CALN1: variants seen among roughly 807,000 people sequenced by gnomAD.
CALN1 encodes the protein calcium-binding protein 8.
In CALN1, 17 loss-of-function variants were observed where a neutral mutation model predicts 30.6. The ratio of observed to expected loss-of-function variants is 0.56; its 90% CI spans 0.38 to 0.83. CALN1 has a LOEUF of 0.83. CALN1 is among the 40% of genes least tolerant of loss of function. CALN1 has a pLI of 0.00. For synonymous variants in CALN1, 156 were observed against 131.4 expected (o/e 1.19, Z -1.28); for missense variants, 291 against 354.9 (o/e 0.82, Z 1.45).
intron 5 of CALN1, among the ~76,000 whole-genome samples, chr7:71,884,963 ACTTCAAAAGAACTTTGGTCTCTGCAAT>A (rs999936441): frequency 1.4e-4 from 22 of 152,174 alleles, no homozygotes; most frequent in Admixed American, 1.3e-3. Flanking sequence ...CCACTGTAAG[ACTTCAAAAGAACTTTGGTCTCTGCAAT>A]CTTTATCTTA....
chr7:71,923,979 G>C (rs1584521443), intron 5 of CALN1, among the ~76,000 whole-genome samples: 1 of 152,018 alleles, frequency 6.6e-6, no homozygotes, highest in South Asian at 2.1e-4. Flanking sequence ...GATCACTTGA[G>C]GTCAGGAGTT....
intron 6 of CALN1, among the ~76,000 whole-genome samples, chr7:71,804,758 T>A (rs1442869954): frequency 6.6e-6 from 1 of 152,054 alleles, no homozygotes; most frequent in Non-Finnish European, 1.5e-5. Context: ...GGTCAGGAGT[T>A]CGAGACCAGC....
chr7:72,236,236 G>A (rs1482499415), intron 3 of CALN1, among the ~76,000 whole-genome samples: 3 of 152,108 alleles, frequency 2.0e-5, no homozygotes, highest in Admixed American at 6.6e-5. Context: ...TCTCACTTAC[G>A]TAAAGGCTCA....
At chr7:72,367,179 G>T (rs1193188330) in intron 2 of CALN1, among the ~76,000 whole-genome samples, 1 of 152,122 alleles carries the variant, frequency 6.6e-6, no homozygotes, top group Non-Finnish European at 1.5e-5. Context: ...GTTGGTGGAA[G>T]CAGGTTGGGA....
At chr7:72,054,403 A>ACGTATATATATACGTATATATATACACG (rs370068692) in intron 4 of CALN1, among the ~76,000 whole-genome samples, 4 of 33,830 alleles carry the variant, frequency 1.2e-4, no homozygotes, top group Admixed American at 3.3e-4. Context: ...ATATATGTAC[A>ACGTATATATATACGTATATATATACACG]TATATATATA....
intron 2 of CALN1, among the ~76,000 whole-genome samples, chr7:72,343,576 G>A (rs143098981): frequency 6.6e-6 from 1 of 152,046 alleles, no homozygotes; most frequent in African/African-American, 2.4e-5. Context: ...ATAACCAATG[G>A]CAAGGATACC....
At chr7:72,444,505 G>A (rs959707822) in intron 1 of CALN1, among the ~76,000 whole-genome samples, 1 of 152,178 alleles carries the variant, frequency 6.6e-6, no homozygotes, top group South Asian at 2.1e-4. Context: ...AGACTGGTGT[G>A]TATTCATTCA....
chr7:72,333,628 G>A (rs1169258535), intron 2 of CALN1, among the ~76,000 whole-genome samples: 5 of 148,504 alleles, frequency 3.4e-5, no homozygotes, highest in Non-Finnish European at 7.4e-5. Context: ...CAGACACTCT[G>A]ACTACACCAG....
At chr7:71,794,252 G>A (rs1786753652) in intron 6 of CALN1, among the ~76,000 whole-genome samples, 1 of 152,166 alleles carries the variant, frequency 6.6e-6, no homozygotes, top group South Asian at 2.1e-4. Context: ...TTGGTCTCCT[G>A]CATAGCAATA....
intron 2 of CALN1, among the ~76,000 whole-genome samples, chr7:72,314,384 C>CACATATATATACACATATATAT (rs1800284127): frequency 5.8e-5 from 4 of 69,292 alleles, no homozygotes; most frequent in African/African-American, 9.7e-5. Flanking sequence ...CACATATATA[C>CACATATATATACACATATATAT]ACATATATAT....
chr7:72,312,620 A>G (rs1800132153), intron 2 of CALN1, among the ~76,000 whole-genome samples: 2 of 152,100 alleles, frequency 1.3e-5, no homozygotes, highest in Admixed American at 1.3e-4. Flanking sequence ...ACTTTGGAAA[A>G]GATGCCTCAG....
At chr7:72,400,596 A>G (rs1806275048) in intron 2 of CALN1, among the ~76,000 whole-genome samples, 1 of 152,208 alleles carries the variant, frequency 6.6e-6, no homozygotes, top group South Asian at 2.1e-4. Flanking sequence ...AAGGCCAGGC[A>G]TCATGGTTCA....
At chr7:72,231,998 G>A (rs1794138139) in intron 3 of CALN1, among the ~76,000 whole-genome samples, 1 of 152,226 alleles carries the variant, frequency 6.6e-6, no homozygotes, top group Admixed American at 6.5e-5. Context: ...AGCCTGACAG[G>A]TGTGAAATGT....
chr7:72,306,854 G>A (rs1799689440), intron 2 of CALN1, among the ~76,000 whole-genome samples: 1 of 152,026 alleles, frequency 6.6e-6, no homozygotes. Context: ...CTTTGTCTCG[G>A]GCCATGGTCA....
intron 5 of CALN1, among the ~76,000 whole-genome samples, chr7:71,987,725 GATCA>G (rs1798747661): frequency 1.3e-5 from 2 of 152,338 alleles, no homozygotes; most frequent in Admixed American, 1.3e-4. Context: ...GACCTTGAAG[GATCA>G]TGCAGTTCAG....
chr7:72,462,603 G>A, the CALN1 span, among the ~76,000 whole-genome samples: 1 of 152,196 alleles, frequency 6.6e-6, no homozygotes, highest in Non-Finnish European at 1.5e-5. Context: ...CAAATGGGCT[G>A]GGGGGACAAT....
chr7:72,090,634 T>C (rs918944436), intron 4 of CALN1, among the ~76,000 whole-genome samples: 1 of 152,236 alleles, frequency 6.6e-6, no homozygotes, highest in Admixed American at 6.5e-5. Context: ...CTTTCGTGTT[T>C]ACAACAGCAT....
chr7:71,821,353 A>T (rs986566496), intron 5 of CALN1, among the ~76,000 whole-genome samples: 4 of 152,124 alleles, frequency 2.6e-5, no homozygotes, highest in African/African-American at 4.8e-5. Flanking sequence ...TGGGTAATTT[A>T]TGAAGAAGAA....
chr7:72,276,141 T>A (rs1797318225), intron 3 of CALN1, among the ~76,000 whole-genome samples: 1 of 152,150 alleles, frequency 6.6e-6, no homozygotes, highest in African/African-American at 2.4e-5. Context: ...ATATAGATAG[T>A]GTTGCCCAGT....
Sources: gnomAD v4.1 joint callset for allele counts (sites outside exome capture counted in the v4.1 genomes callset) on GRCh38, gnomAD v4.1.1 for gene constraint, MANE v1.5 for transcripts, NCBI Gene and HGNC (gene_info 2026-07-23, HGNC 2026-07-21) for gene names.